The following CDC27 variants were observed in gnomAD, a reference collection of about 807,000 sequenced individuals.
The protein encoded by CDC27 is cell division cycle protein 27 homolog.
Under a neutral mutation model 109.7 loss-of-function variants are expected in CDC27, and 27 were observed. That is an observed-to-expected ratio of 0.25 (90% CI 0.18 to 0.34). CDC27 has a LOEUF of 0.34. CDC27 is among the 10% of genes least tolerant of loss of function. The pLI is 1.00. For missense variants in CDC27, 579 were observed against 960.2 expected (o/e 0.60, Z 5.25); for synonymous variants, 266 against 333.9 (o/e 0.80, Z 2.22).
At chr17:47,138,609 T>G in intron 13 of CDC27, 130 bp downstream of exon 13, 1 of 607,612 alleles carries the variant, frequency 1.6e-6, no homozygotes, top group Non-Finnish European at 2.8e-6. Flanking sequence ...AGTCCCTGAC[T>G]AGAGAGAGAG....
rs888805459 is a variant in CDC27, at chr17:47,141,883, C to T, written c.1521G>A (p.Arg507=). The T allele has an allele frequency of 4.4e-6, 7 of 1,596,392 alleles. No individual in the cohort carries two copies. The highest frequency in any genetic ancestry group is 1.4e-5 in the African/African-American group (1 of 73,900). Residue 507 remains arginine, a synonymous_variant, in exon 12 of 19, where the codon AGG becomes AGA. Transcript: ENST00000066544. ...NTGWVLCQIG[R]AYFELSEYMQ... is the part of the protein sequence containing the mutation. ...TGTACTCTGAAAGTTCAAAATAGGC[C>T]CTTCCAATTTGGCACAGTACCCAAC...
At chr17:47,157,180 T>G in intron 6 of CDC27, 50 bp downstream of exon 6, 1 of 1,560,096 alleles carries the variant, frequency 6.4e-7, no homozygotes, top group Non-Finnish European at 8.8e-7. Flanking sequence ...GTTCAGATCA[T>G]TCTTTGTAGT....
chr17:47,118,623 CTTAAT>C lies in CDC27; in HGVS notation c.*2307_*2311del, dbSNP rs11570585. The C allele has an allele frequency of 9.1e-3, 1,383 of 152,668 alleles. 21 individuals carry two copies. The highest frequency in any genetic ancestry group is 0.032 in the African/African-American group (1,309 of 41,540). 9.5% of individuals were successfully genotyped at this position (152,668 alleles called of 1,614,324 possible). A position where few individuals can be genotyped will look rare whatever the true frequency, so the allele number is the denominator to read the frequency against. On this transcript the variant is annotated 3_prime_UTR_variant, in exon 19 of 19. Transcript: ENST00000066544. ...AAACAGAGAAAAGGATGTCAAACTA[CTTAAT>C]TTAATTTCTGTAAAATAAACTTCTG...
At chr17:47,141,036 T>C (rs1359977065) in intron 12 of CDC27, among the ~76,000 whole-genome samples, 1 of 152,222 alleles carries the variant, frequency 6.6e-6, no homozygotes, top group African/African-American at 2.4e-5. Context: ...TTTATTGGCT[T>C]ATAATCTGTC....
At chr17:47,172,659 A>C (rs2063845755) in intron 2 of CDC27, among the ~76,000 whole-genome samples, 1 of 152,206 alleles carries the variant, frequency 6.6e-6, no homozygotes, top group Admixed American at 6.5e-5. Flanking sequence ...ATTACATTAC[A>C]ATAGCAAGAG....
At position 47,158,271 on chromosome 17, in the gene CDC27, C is replaced by T. The variant is rs961045871; in HGVS notation, c.410G>A (p.Cys137Tyr). 6.4e-7 allele frequency: 1 copy of T among 1,571,904 alleles called. No homozygotes were observed. Among genetic ancestry groups the T allele is most frequent in the Non-Finnish European group, 8.6e-7 (1 of 1,159,678 alleles). ...ATTTAAACTAAGGCTCTTTTGGTAA[C>T]ATTCTGATCCTTTGGCAAGCCGATC... ...KTDRLAKGSE[C>Y]YQKSLSLNPF... The change falls in exon 5 of 19, where the codon TGT (cysteine) becomes TAT (tyrosine). Residue 137 changes from cysteine to tyrosine, a missense_variant. Around this residue, in one of 9 missense-constraint regions of CDC27, gnomAD observed 52 missense variants for 63.4 expected, o/e 0.82. Transcript: ENST00000066544.
At chr17:47,168,631 G>C (rs1336135584) in intron 4 of CDC27, among the ~76,000 whole-genome samples, 1 of 152,032 alleles carries the variant, frequency 6.6e-6, no homozygotes, top group African/African-American at 2.4e-5. Flanking sequence ...AAGAATCATA[G>C]TTTCATGAAC....
At position 47,158,298 on chromosome 17, in the gene CDC27, G is replaced by A; in HGVS notation, c.383C>T (p.Thr128Ile). ...TTCTGATCCTTTGGCAAGCCGATCT[G>A]TCTTGCTGTGGAGAGAAACAAGTAG... ...LSLLGHVYCK[T>I]DRLAKGSECY... The change falls in exon 5 of 19, where the codon ACA (threonine) becomes ATA (isoleucine). Residue 128 changes from threonine (T) to isoleucine (I), a missense_variant. Coordinates refer to ENST00000066544, the MANE Select transcript of CDC27 (RefSeq NM_001256.6). 1 of 1,533,350 alleles carries A rather than the reference G, an allele frequency of 6.5e-7. No homozygotes were observed. Among genetic ancestry groups the A allele is most frequent in the Non-Finnish European group, 8.8e-7 (1 of 1,137,166 alleles). 95.0% of individuals were successfully genotyped at this position (1,533,350 alleles called of 1,614,324 possible).
intron 15 of CDC27, among the ~76,000 whole-genome samples, chr17:47,130,624 C>G (rs534975144): frequency 3.0e-4 from 46 of 152,006 alleles, no homozygotes; most frequent in African/African-American, 1.1e-3. Context: ...CCTGTAATCC[C>G]AGCACTTTGG....
At chr17:47,163,678 T>C (rs2063560655) in intron 4 of CDC27, among the ~76,000 whole-genome samples, 1 of 152,256 alleles carries the variant, frequency 6.6e-6, no homozygotes, top group Non-Finnish European at 1.5e-5. Flanking sequence ...AAAAAAACTT[T>C]AATGATTTTA....
chr17:47,132,292 G>A lies in CDC27; in HGVS notation c.1996C>T (p.Pro666Ser), dbSNP rs2062368183. 6.3e-7 allele frequency: 1 copy of A among 1,598,060 alleles called. No homozygotes were observed. Among genetic ancestry groups the A allele is most frequent in the Admixed American group, 1.7e-5 (1 of 58,654 alleles). The change falls in exon 15 of 19, where the codon CCT becomes TCT. Residue 666 changes from proline (P) to serine (S), a missense_variant. Coordinates refer to ENST00000066544, the MANE Select transcript of CDC27 (RefSeq NM_001256.6). ...TGGCAAAGTAAAACTGAACTTTGAG[G>A]GTTGATATCAAGCGCTTTTTGGAAA... The part of the protein sequence containing the change: ...MHFQKALDIN[P>S]QSSVLLCHIG...
At position 47,120,699 on chromosome 17, in the gene CDC27, C is replaced by G; in HGVS notation, c.*236G>C. ...AAAAACAGAAAAGAAAGTTCCCCAC[C>G]CTACCCCCCATAAATTGTCATTCAT... On this transcript the variant is annotated 3_prime_UTR_variant, in exon 19 of 19. Coordinates refer to ENST00000066544, the MANE Select transcript of CDC27 (RefSeq NM_001256.6). 4.9e-6 allele frequency: 2 copies of G among 406,912 alleles called. No homozygotes were observed. Among genetic ancestry groups the G allele is most frequent in the Non-Finnish European group, 8.8e-6 (2 of 227,378 alleles). 25.2% of individuals were successfully genotyped at this position (406,912 alleles called of 1,614,324 possible). A position where few individuals can be genotyped will look rare whatever the true frequency, so the allele number is the denominator to read the frequency against.
intron 16 of CDC27, among the ~76,000 whole-genome samples, chr17:47,128,635 A>G (rs944735906): frequency 6.6e-6 from 1 of 152,192 alleles, no homozygotes; most frequent in African/African-American, 2.4e-5. Flanking sequence ...AGTACTAGAT[A>G]GTAGGCCCCT....
At chr17:47,136,683 A>G (rs1269150082) in intron 14 of CDC27, among the ~76,000 whole-genome samples, 2 of 152,234 alleles carry the variant, frequency 1.3e-5, no homozygotes, top group Non-Finnish European at 2.9e-5. Context: ...ATAAAAGGGT[A>G]CACTAAGTTC....
intron 4 of CDC27, among the ~76,000 whole-genome samples, chr17:47,167,462 T>C (rs962004426): frequency 6.6e-6 from 1 of 152,196 alleles, no homozygotes; most frequent in Non-Finnish European, 1.5e-5. Flanking sequence ...TCTATAGATA[T>C]GAGATGTTGT....
chr17:47,186,967 A>G (rs1197200775), intron 1 of CDC27, among the ~76,000 whole-genome samples: 1 of 151,958 alleles, frequency 6.6e-6, no homozygotes, highest in Non-Finnish European at 1.5e-5. Context: ...TCTCTTCCTA[A>G]TTCTTTCCCA....
intron 2 of CDC27, among the ~76,000 whole-genome samples, chr17:47,178,443 G>A (rs1444953232): frequency 6.6e-6 from 1 of 151,528 alleles, no homozygotes; most frequent in Non-Finnish European, 1.5e-5. Context: ...GTTGAGGTGG[G>A]AGGATTGTTT....
chr17:47,129,612 T>C (rs1416101334), intron 15 of CDC27, 91 bp from the exon 16 acceptor site: 2 of 820,596 alleles, frequency 2.4e-6, no homozygotes, highest in Non-Finnish European at 3.9e-6. Flanking sequence ...CATAATCAAA[T>C]TATTAGAGAT....
Position 47,141,698 on chromosome 17 carries a change from A to G in CDC27, c.1551+155T>C, listed in dbSNP as rs567173827. On this transcript the variant is annotated intron_variant, in intron 12 of 18. Coordinates refer to ENST00000066544, the MANE Select transcript of CDC27 (RefSeq NM_001256.6). ...TTACTCCTTAACACAAGAAAGAACT[A>G]TATCTATAAATTATAAATACTGACA... 3.4e-4 allele frequency: 154 copies of G among 448,804 alleles called. 4 individuals carry two copies. The South Asian group carries it at 7.7e-3, about 23-fold the overall frequency. The allele number at this position is 448,804 out of a possible 1,614,324, so 27.8% of individuals were successfully genotyped here. A position where few individuals can be genotyped will look rare whatever the true frequency, so the allele number is the denominator to read the frequency against.
Sources: gnomAD v4.1 joint callset for allele counts (sites outside exome capture counted in the v4.1 genomes callset) on GRCh38, gnomAD v4.1.1 for gene constraint, gnomAD v4.1.1 regional missense constraint, MANE v1.5 for transcripts, NCBI Gene and HGNC (gene_info 2026-07-23, HGNC 2026-07-21) for gene names.